TMCC1: variants seen among roughly 807,000 people sequenced by gnomAD.
TMCC1 encodes transmembrane and coiled-coil domains protein 1.
In TMCC1, 15 loss-of-function variants were observed where a neutral mutation model predicts 52.4. That is an observed-to-expected ratio of 0.29 (90% CI 0.19 to 0.44). The LOEUF is 0.44. Among genes scored for constraint, TMCC1 ranks in the 20% least tolerant of loss-of-function variants. TMCC1 has a pLI of 1.00. For missense variants in TMCC1, 503 were observed against 806.0 expected, an observed-to-expected ratio of 0.62 and a Z score of 4.55; for synonymous variants, 279 against 301.9, an observed-to-expected ratio of 0.92 and a Z score of 0.79.
chr3:129,765,330 C>A (rs377625415), intron 4 of TMCC1, among the ~76,000 whole-genome samples: 16 of 151,540 alleles, frequency 1.1e-4, no homozygotes, highest in East Asian at 3.9e-4. Flanking sequence ...TCTTTAAAAC[C>A]CTAAAAAATA....
intron 4 of TMCC1, among the ~76,000 whole-genome samples, chr3:129,763,355 C>T (rs1469642048): frequency 6.7e-6 from 1 of 148,968 alleles, no homozygotes; most frequent in Non-Finnish European, 1.5e-5. Flanking sequence ...CCAGTCTGGG[C>T]AACATGGTAA....
At chr3:129,745,374 T>C (rs569767279) in intron 4 of TMCC1, among the ~76,000 whole-genome samples, 1 of 152,242 alleles carries the variant, frequency 6.6e-6, no homozygotes, top group Non-Finnish European at 1.5e-5. Flanking sequence ...TCAGCCACAG[T>C]GCTAAACTGA....
chr3:129,779,303 C>T (rs974521418), intron 4 of TMCC1, among the ~76,000 whole-genome samples: 13 of 152,074 alleles, frequency 8.5e-5, no homozygotes, highest in African/African-American at 2.9e-4. Flanking sequence ...ATTTTCTACA[C>T]AGGCTAAAGC....
chr3:129,687,878 G>GA (rs903620536), intron 4 of TMCC1, among the ~76,000 whole-genome samples: 18 of 151,672 alleles, frequency 1.2e-4, no homozygotes, highest in African/African-American at 2.7e-4. Context: ...AAAAAGCAGG[G>GA]AAAAAAAAGC....
chr3:129,819,316 C>T (rs560804184), intron 4 of TMCC1, among the ~76,000 whole-genome samples: 1 of 152,230 alleles, frequency 6.6e-6, no homozygotes, highest in Non-Finnish European at 1.5e-5. Flanking sequence ...CTCCTGACCT[C>T]AGGTGATCCG....
At chr3:129,781,920 A>G (rs2055565953) in intron 4 of TMCC1, among the ~76,000 whole-genome samples, 1 of 152,184 alleles carries the variant, frequency 6.6e-6, no homozygotes, top group Non-Finnish European at 1.5e-5. Context: ...TATATTTAAA[A>G]AGTGGAGCCA....
intron 4 of TMCC1, among the ~76,000 whole-genome samples, chr3:129,766,113 A>G (rs1371321833): frequency 6.6e-6 from 1 of 152,228 alleles, no homozygotes; most frequent in Non-Finnish European, 1.5e-5. Flanking sequence ...ATTACTTGAA[A>G]TAAGGAGCAA....
chr3:129,725,984 T>C (rs1177743890), intron 4 of TMCC1, among the ~76,000 whole-genome samples: 1 of 152,154 alleles, frequency 6.6e-6, no homozygotes, highest in African/African-American at 2.4e-5. Flanking sequence ...AATCATTCTA[T>C]GAACCAGGAT....
At chr3:129,811,012 G>C (rs1445131008) in intron 4 of TMCC1, among the ~76,000 whole-genome samples, 2 of 152,156 alleles carry the variant, frequency 1.3e-5, no homozygotes, top group Admixed American at 6.5e-5. Context: ...ATGTGCATTT[G>C]CACAGCTGCT....
intron 4 of TMCC1, among the ~76,000 whole-genome samples, chr3:129,710,989 G>C (rs1397131178): frequency 2.0e-5 from 3 of 152,140 alleles, no homozygotes; most frequent in Admixed American, 6.5e-5. Context: ...TCAGCCTCCA[G>C]AGTAGCTGGG....
At chr3:129,769,931 T>C (rs564159510) in intron 4 of TMCC1, among the ~76,000 whole-genome samples, 1 of 152,320 alleles carries the variant, frequency 6.6e-6, no homozygotes, top group South Asian at 2.1e-4. Context: ...TGTCTACCCT[T>C]TCCTTTAGCA....
intron 2 of TMCC1, chr3:129,866,897 A>G (rs1319271701): frequency 6.6e-6 from 1 of 152,210 alleles, no homozygotes; most frequent in Non-Finnish European, 1.5e-5. Context: ...CTTTTGAAAA[A>G]CAAATGAAAT....
intron 4 of TMCC1, among the ~76,000 whole-genome samples, chr3:129,795,235 G>C (rs1418507405): frequency 6.6e-6 from 1 of 152,178 alleles, no homozygotes; most frequent in Non-Finnish European, 1.5e-5. Flanking sequence ...AGCTCAGAGT[G>C]AATCAATGCA....
At position 129,841,347 on chromosome 3, in the gene TMCC1, G is replaced by A. The variant is rs1292198575; in HGVS notation, c.-183-8521C>T. On this transcript the variant is annotated intron_variant, in intron 2 of 6. Coordinates refer to ENST00000393238, the MANE Select transcript of TMCC1 (RefSeq NM_001017395.5). ...CATGCCTGTAATCCCGGCACTTTGG[G>A]AGGCCAAGGCAGGTGGATCACCTGA... 5.3e-5 allele frequency among the ~76,000 whole-genome samples: 8 copies of A among 152,326 alleles called. No homozygotes were observed. The East Asian group carries it at 9.6e-4, about 18-fold the overall frequency.
At chr3:129,795,818 C>G (rs1232732179) in intron 4 of TMCC1, among the ~76,000 whole-genome samples, 1 of 152,222 alleles carries the variant, frequency 6.6e-6, no homozygotes, top group African/African-American at 2.4e-5. Flanking sequence ...CCAGCCCTGG[C>G]TCCCACCCGC....
At chr3:129,878,174 G>C (rs2061311292) in intron 2 of TMCC1, among the ~76,000 whole-genome samples, 1 of 147,858 alleles carries the variant, frequency 6.8e-6, no homozygotes, top group African/African-American at 2.5e-5. Context: ...ACATTCGCCA[G>C]GCTGGTCTTG....
intron 4 of TMCC1, among the ~76,000 whole-genome samples, chr3:129,800,261 A>AT (rs2057102330): frequency 1.3e-5 from 2 of 151,968 alleles, no homozygotes; most frequent in South Asian, 2.1e-4. Context: ...TGCTGTATCT[A>AT]TTTTTTCTCT....
chr3:129,788,985 T>C lies in TMCC1; in HGVS notation c.576+38818A>G, dbSNP rs374440665. Among the ~76,000 whole-genome samples the C allele has an allele frequency of 2.1e-4, 32 of 152,334 alleles. No homozygotes were observed. The South Asian group carries it at 2.7e-3, about 13-fold the overall frequency. On this transcript the variant is annotated intron_variant, in intron 4 of 6. Coordinates refer to ENST00000393238, the MANE Select transcript of TMCC1 (RefSeq NM_001017395.5). ...TTAACAAGAAGATATTACATTTAAC[T>C]GTTAGTAAAATAGAAATGCAAAACA... is the stretch of plus-strand genomic sequence containing the variant.
At chr3:129,866,692 A>G (rs1231910756) in intron 2 of TMCC1, among the ~76,000 whole-genome samples, 1 of 151,910 alleles carries the variant, frequency 6.6e-6, no homozygotes, top group Non-Finnish European at 1.5e-5. Flanking sequence ...TTATATTTTC[A>G]CTATTTGCTA....
Sources: gnomAD v4.1 joint callset for allele counts (sites outside exome capture counted in the v4.1 genomes callset) on GRCh38, gnomAD v4.1.1 for gene constraint, MANE v1.5 for transcripts, NCBI Gene and HGNC (gene_info 2026-07-23, HGNC 2026-07-21) for gene names.